Variants in IL1RAPL2 observed in about 807,000 individuals in gnomAD.
IL1RAPL2 encodes the protein interleukin 1 receptor accessory protein like 2, also known as X-linked interleukin-1 receptor accessory protein-like 2.
A neutral mutation model predicts 44.1 loss-of-function variants in IL1RAPL2; 3 were observed. The observed-to-expected ratio is 0.07, with a 90% confidence interval of 0.03 to 0.18. The LOEUF (loss-of-function observed/expected upper bound fraction) is 0.18, where lower values mean the gene tolerates loss of function less well. Among genes scored for constraint, IL1RAPL2 ranks in the 10% least tolerant of loss-of-function variants. IL1RAPL2 has a pLI of 1.00. For synonymous variants in IL1RAPL2, 181 were observed against 178.8 expected, an observed-to-expected ratio of 1.01 and a Z score of -0.10; for missense variants, 391 against 496.4, an observed-to-expected ratio of 0.79 and a Z score of 2.02.
chrX:105,216,757 A>G (rs1248867383), intron 3 of IL1RAPL2, among the ~76,000 whole-genome samples: 1 of 111,760 alleles, frequency 8.9e-6, no homozygotes, highest in Non-Finnish European at 1.9e-5. Flanking sequence ...AAACAGATAT[A>G]TAGACCAATG....
chrX:104,669,296 A>G (rs1418462359), intron 2 of IL1RAPL2, among the ~76,000 whole-genome samples: 7 of 111,447 alleles, frequency 6.3e-5, no homozygotes, highest in African/African-American at 9.8e-5. Flanking sequence ...GTTATTGGAC[A>G]CACCTCTTCC....
At chrX:105,624,053 T>G (rs2037437231) in intron 6 of IL1RAPL2, among the ~76,000 whole-genome samples, 1 of 111,273 alleles carries the variant, frequency 9.0e-6, no homozygotes, top group African/African-American at 3.3e-5. Context: ...AAGGAAAATG[T>G]TGGGATACAG....
At chrX:105,040,713 G>A (rs76934508) in intron 2 of IL1RAPL2, among the ~76,000 whole-genome samples, 45,460 of 107,463 alleles carry the variant, frequency 0.42, 8,617 homozygotes, top group East Asian at 0.73. Context: ...TATTTCTGTG[G>A]GATCAGTGGT....
At chrX:104,840,864 A>G (rs1291720412) in intron 2 of IL1RAPL2, among the ~76,000 whole-genome samples, 2 of 106,539 alleles carry the variant, frequency 1.9e-5, no homozygotes, top group Non-Finnish European at 3.9e-5. Context: ...TTTTTTTTGT[A>G]TTTTTAGTAG....
chrX:104,971,673 T>C (rs1173632995), intron 2 of IL1RAPL2, among the ~76,000 whole-genome samples: 2 of 111,340 alleles, frequency 1.8e-5, no homozygotes, highest in Non-Finnish European at 3.8e-5. Context: ...TGACCTGTGT[T>C]GGTGGCTAAA....
rs948590584 is a variant in IL1RAPL2 at position 105,338,641 on chromosome X, A to G, written c.697+71100A>G. ...TGAGGCCAAGGGGAGTTAAATTGCAATTACCCTACTCCAGCTGGGCCTAGC... is the reference window on the plus strand; with the variant it reads ...TGAGGCCAAGGGGAGTTAAATTGCAGTTACCCTACTCCAGCTGGGCCTAGC... On this transcript the variant is annotated intron_variant, in intron 5 of 10. Coordinates refer to ENST00000372582, the MANE Select transcript of IL1RAPL2 (RefSeq NM_017416.2). Among the ~76,000 whole-genome samples, 3 of 111,913 alleles carry G rather than the reference A, an allele frequency of 2.7e-5. No individual in the cohort carries two copies. In the East Asian group the frequency reaches 8.5e-4, roughly 32 times the overall value.
Position 105,740,527 on chromosome X carries a change from A to T in IL1RAPL2, c.903-19A>T. ...CCCAAATCAAGCCAATTCAGCCAAG[A>T]ATACCGTCTTTATTTCAGGCTTCTC... On this transcript the variant is annotated intron_variant, in intron 7 of 10. Transcript: ENST00000372582. 1 of 1,206,962 alleles carries T rather than the reference A, an allele frequency of 8.3e-7. No individual in the cohort carries two copies. Among genetic ancestry groups the T allele is most frequent in the Non-Finnish European group, 1.1e-6 (1 of 892,574 alleles).
intron 5 of IL1RAPL2, among the ~76,000 whole-genome samples, chrX:105,351,656 G>A (rs1402092569): frequency 1.8e-5 from 2 of 110,407 alleles, no homozygotes; most frequent in Non-Finnish European, 3.8e-5. Flanking sequence ...GGGAGGGATA[G>A]CATTAAGAGA....
intron 3 of IL1RAPL2, among the ~76,000 whole-genome samples, chrX:105,222,577 A>G (rs2033975680): frequency 8.9e-6 from 1 of 112,106 alleles, no homozygotes; most frequent in Non-Finnish European, 1.9e-5. Flanking sequence ...AATGGTGAGG[A>G]AAGGGGGAGA....
At chrX:105,465,392 A>T (rs1840827426) in intron 5 of IL1RAPL2, among the ~76,000 whole-genome samples, 1 of 112,134 alleles carries the variant, frequency 8.9e-6, no homozygotes, top group Non-Finnish European at 1.9e-5. Flanking sequence ...ACGCATTCTC[A>T]TTTTGTACTA....
intron 5 of IL1RAPL2, among the ~76,000 whole-genome samples, chrX:105,333,927 T>C (rs1454536911): frequency 8.9e-6 from 1 of 111,803 alleles, no homozygotes; most frequent in Non-Finnish European, 1.9e-5. Flanking sequence ...TTGGTAGGAA[T>C]GTAAATTAGT....
At chrX:105,525,298 T>C (rs1417495714) in intron 6 of IL1RAPL2, among the ~76,000 whole-genome samples, 2 of 111,506 alleles carry the variant, frequency 1.8e-5, no homozygotes, top group African/African-American at 6.5e-5. Flanking sequence ...TTTCAAAATA[T>C]GTTGTTTTTC....
At chrX:105,314,429 T>C (rs2034820944) in intron 5 of IL1RAPL2, among the ~76,000 whole-genome samples, 1 of 111,648 alleles carries the variant, frequency 9.0e-6, no homozygotes, top group Non-Finnish European at 1.9e-5. Flanking sequence ...CACGGTAGTT[T>C]CTGTAGCTGC....
At chrX:105,249,542 A>T (rs767424344) in intron 4 of IL1RAPL2, among the ~76,000 whole-genome samples, 5 of 111,098 alleles carry the variant, frequency 4.5e-5, no homozygotes, top group Non-Finnish European at 7.6e-5. Flanking sequence ...GGGAATGGAA[A>T]CCCCATTTTC....
chrX:105,398,711 C>T (rs1336315910), intron 5 of IL1RAPL2, among the ~76,000 whole-genome samples: 1 of 111,586 alleles, frequency 9.0e-6, no homozygotes, highest in Non-Finnish European at 1.9e-5. Flanking sequence ...TAATAGTTAT[C>T]TGTGAAAGAA....
chrX:105,612,010 T>G, intron 6 of IL1RAPL2, among the ~76,000 whole-genome samples: 1 of 112,259 alleles, frequency 8.9e-6, no homozygotes, highest in Non-Finnish European at 1.9e-5. Context: ...TTATTATATT[T>G]CTTGGGTAAA....
chrX:105,758,309 A>C (rs1475628113), intron 10 of IL1RAPL2, among the ~76,000 whole-genome samples: 1 of 111,713 alleles, frequency 9.0e-6, no homozygotes, highest in African/African-American at 3.2e-5. Context: ...TTCACTTTTG[A>C]TGTATCTTCA....
intron 1 of IL1RAPL2, among the ~76,000 whole-genome samples, chrX:104,646,410 A>G (rs146777975): frequency 6.1e-4 from 67 of 110,624 alleles, no homozygotes; most frequent in African/African-American, 2.1e-3. Flanking sequence ...ATCATGGTAC[A>G]TAATAGGCTC....
chrX:104,811,301 GA>G (rs937973080), intron 2 of IL1RAPL2, among the ~76,000 whole-genome samples: 1 of 111,297 alleles, frequency 9.0e-6, no homozygotes, highest in Admixed American at 9.6e-5. Context: ...TAAAGACAGT[GA>G]AAAAAAAGCA....
Sources: gnomAD v4.1 joint callset for allele counts (sites outside exome capture counted in the v4.1 genomes callset) on GRCh38, gnomAD v4.1.1 for gene constraint, MANE v1.5 for transcripts, NCBI Gene and HGNC (gene_info 2026-07-23, HGNC 2026-07-21) for gene names.